PTPRC: variants seen among roughly 807,000 people sequenced by gnomAD.
The protein encoded by PTPRC is protein tyrosine phosphatase receptor type C, also known as receptor-type tyrosine-protein phosphatase C.
A neutral mutation model predicts 155.9 loss-of-function variants in PTPRC; 44 were observed. That is an observed-to-expected ratio of 0.28 (90% confidence interval 0.22 to 0.36). The LOEUF is 0.36. Among genes scored for constraint, PTPRC ranks in the 10% least tolerant of loss-of-function variants. PTPRC has a pLI of 1.00. For synonymous variants in PTPRC, 525 were observed against 533.1 expected, an observed-to-expected ratio of 0.98 and a Z score of 0.21; for missense variants, 1,401 against 1,564.6, an observed-to-expected ratio of 0.90 and a Z score of 1.76.
At chr1:198,737,165 T>C (rs79800459) in intron 23 of PTPRC, among the ~76,000 whole-genome samples, 1 of 151,688 alleles carries the variant, frequency 6.6e-6, no homozygotes. Flanking sequence ...TTGATTGTTT[T>C]CTTTGCTATA....
rs1203601910 is a variant in PTPRC at position 198,696,772 on chromosome 1, C to A, written c.161C>A (p.Thr54Asn). Residue 54 changes from threonine to asparagine, a missense_variant, in exon 4 of 33, where the codon ACC (threonine) becomes AAC (asparagine). Around this residue, in one of 3 missense-constraint regions of PTPRC, gnomAD observed 867 missense variants for 970.4 expected, o/e 0.89. Coordinates refer to ENST00000442510, the MANE Select transcript of PTPRC (RefSeq NM_002838.5). ...PLSSDPLPTH[T>N]TAFSPASTFE... Reference sequence around the variant, plus strand: ...TCAAGTGACCCCTTACCTACTCACACCACTGCATTCTCACCCGCAAGCACC... The same window carrying A: ...TCAAGTGACCCCTTACCTACTCACAACACTGCATTCTCACCCGCAAGCACC... 1 of 1,614,092 alleles carries A rather than the reference C, an allele frequency of 6.2e-7. No individual in the cohort carries two copies. The highest frequency in any genetic ancestry group is 1.7e-5 in the Admixed American group (1 of 60,026).
intron 20 of PTPRC, among the ~76,000 whole-genome samples, chr1:198,733,965 A>G (rs1388685222): frequency 6.6e-6 from 1 of 151,820 alleles, no homozygotes; most frequent in Non-Finnish European, 1.5e-5. Flanking sequence ...TGAAGTTTAC[A>G]GCAAAGATAC....
chr1:198,755,291 G>T (rs1655586508), intron 32 of PTPRC, among the ~76,000 whole-genome samples: 1 of 151,976 alleles, frequency 6.6e-6, no homozygotes, highest in Non-Finnish European at 1.5e-5. Flanking sequence ...ATGGTCATCT[G>T]GGAATTAATC....
intron 3 of PTPRC, chr1:198,693,937 A>G (rs1666063959): frequency 7.6e-6 from 11 of 1,449,574 alleles, no homozygotes; most frequent in Non-Finnish European, 1.0e-5. Flanking sequence ...CTCTAGAGGG[A>G]CAGAACTAAT....
At chr1:198,661,673 C>T (rs1663975815) in intron 2 of PTPRC, among the ~76,000 whole-genome samples, 1 of 151,990 alleles carries the variant, frequency 6.6e-6, no homozygotes, top group Admixed American at 6.6e-5. Context: ...TTCTTGGGGA[C>T]TATCTTGAGT....
rs1157716262 is a variant in PTPRC at position 198,706,845 on chromosome 1, C to G, written c.797C>G (p.Thr266Arg). The stretch of plus-strand genomic sequence containing the variant: ...GTGGAATGTGGAAACAATACTTGCA[C>G]AAACAATGAGGTGCATAACCTTACA... ...ENVECGNNTC[T>R]NNEVHNLTEC... Residue 266 changes from threonine (T) to arginine (R), a missense_variant, in exon 9 of 33, where the codon ACA (threonine) becomes AGA (arginine). Transcript: ENST00000442510. 6.2e-7 allele frequency: 1 copy of G among 1,613,240 alleles called. No homozygotes were observed. Among genetic ancestry groups the G allele is most frequent in the Non-Finnish European group, 8.5e-7 (1 of 1,179,292 alleles).
At chr1:198,679,786 A>T in intron 2 of PTPRC, 1 of 485,082 alleles carries the variant, frequency 2.1e-6, no homozygotes, top group Non-Finnish European at 3.7e-6. Flanking sequence ...GACCACCAGG[A>T]AATGACGCCA....
rs143375125 is a variant in PTPRC, at chr1:198,674,920, G to T, written c.74-17427G>T. On this transcript the variant is annotated intron_variant, in intron 2 of 32. Transcript: ENST00000442510. ...AAATTACAGCTTTCATTTGAATTTTGCCCATTTTTCCAATATTGTTCTTTT... is the reference window on the plus strand; with the variant it reads ...AAATTACAGCTTTCATTTGAATTTTTCCCATTTTTCCAATATTGTTCTTTT... 7.1e-3 allele frequency among the ~76,000 whole-genome samples: 1,085 copies of T among 152,102 alleles called. 17 individuals are homozygous for T. Among genetic ancestry groups the T allele is most frequent in the African/African-American group, 0.025 (1,037 of 41,500 alleles).
chr1:198,693,514 C>CA (rs1280611122), intron 3 of PTPRC, among the ~76,000 whole-genome samples: 5 of 152,120 alleles, frequency 3.3e-5, no homozygotes, highest in Non-Finnish European at 7.4e-5. Flanking sequence ...TTTAAAATGA[C>CA]ACATGACTCA....
chr1:198,648,871 A>G (rs890284314), intron 2 of PTPRC, among the ~76,000 whole-genome samples: 1 of 151,834 alleles, frequency 6.6e-6, no homozygotes, highest in Non-Finnish European at 1.5e-5. Flanking sequence ...CATTTTTGAT[A>G]TTACATAAAG....
chr1:198,712,889 T>A, intron 11 of PTPRC, 64 bp from the exon 12 acceptor site: 1 of 1,499,572 alleles, frequency 6.7e-7, no homozygotes, highest in Non-Finnish European at 9.3e-7. Flanking sequence ...ATGCTTATAA[T>A]ATGAAGAATG....
intron 23 of PTPRC, 133 bp downstream of exon 23, chr1:198,735,385 T>C (rs1204207157): frequency 3.0e-5 from 26 of 864,510 alleles, no homozygotes; most frequent in Non-Finnish European, 4.3e-5. Context: ...AAAGCTGTGG[T>C]TAGAACAATG....
intron 11 of PTPRC, among the ~76,000 whole-genome samples, chr1:198,712,064 A>G (rs1200290089): frequency 6.6e-6 from 1 of 152,238 alleles, no homozygotes; most frequent in East Asian, 1.9e-4. Context: ...CATTCATAGT[A>G]GCCAAAACCT....
At chr1:198,728,579 C>T (rs1004297781) in intron 16 of PTPRC, 131 bp downstream of exon 16, 1 of 1,028,636 alleles carries the variant, frequency 9.7e-7, no homozygotes, top group African/African-American at 1.6e-5. Context: ...CAGCCCACTT[C>T]ATGACACAAC....
intron 8 of PTPRC, among the ~76,000 whole-genome samples, chr1:198,706,297 G>A (rs971577536): frequency 6.6e-6 from 1 of 152,168 alleles, no homozygotes; most frequent in Non-Finnish European, 1.5e-5. Flanking sequence ...TCAAGAAACA[G>A]GTGGTTAATA....
intron 3 of PTPRC, 144 bp from the exon 4 acceptor site, chr1:198,696,568 G>C (rs1485483615): frequency 8.2e-6 from 6 of 733,214 alleles, no homozygotes; most frequent in Non-Finnish European, 1.5e-5. Context: ...ATACACTTAT[G>C]TATGGTGTGT....
At chr1:198,643,384 A>C (rs1005654134) in intron 2 of PTPRC, among the ~76,000 whole-genome samples, 2 of 151,958 alleles carry the variant, frequency 1.3e-5, no homozygotes, top group African/African-American at 4.8e-5. Context: ...AAGGAAAGGA[A>C]AATTTTCAAA....
Position 198,748,203 on chromosome 1 carries a change from T to A in PTPRC, c.2938+4T>A, listed in dbSNP as rs1655227260. Reference sequence around the variant, plus strand: ...AGGAATTCTAATGTCATCCCATGTATGTAGTTTATTTTTTTATTTTTTGTA... The same window carrying A: ...AGGAATTCTAATGTCATCCCATGTAAGTAGTTTATTTTTTTATTTTTTGTA... On this transcript the variant is annotated splice_donor_region_variant and intron_variant, in intron 27 of 32. Transcript: ENST00000442510. 1 of 1,600,176 alleles carries A rather than the reference T, an allele frequency of 6.2e-7. No individual in the cohort carries two copies. The highest frequency in any genetic ancestry group is 1.3e-5 in the African/African-American group (1 of 74,092).
At chr1:198,649,424 A>G (rs2102206809) in intron 2 of PTPRC, among the ~76,000 whole-genome samples, 1 of 152,020 alleles carries the variant, frequency 6.6e-6, no homozygotes, top group Admixed American at 6.6e-5. Flanking sequence ...ACGGAAAGGA[A>G]GTGGTGATAT....
Sources: allele counts gnomAD v4.1 joint callset (sites outside exome capture counted in the v4.1 genomes callset), GRCh38; gene constraint gnomAD v4.1.1; regional missense constraint gnomAD v4.1.1; transcripts MANE v1.5; gene names NCBI Gene and HGNC (gene_info 2026-07-23, HGNC 2026-07-21).